JADE1: variants seen among roughly 807,000 people sequenced by gnomAD.
The protein encoded by JADE1 is protein Jade-1.
In JADE1, 14 loss-of-function variants were observed where a neutral mutation model predicts 81.8. That is an observed-to-expected ratio of 0.17 (90% CI 0.11 to 0.27). JADE1 has a LOEUF of 0.27. JADE1 is among the 10% of genes least tolerant of loss of function. JADE1 has a pLI of 1.00. For synonymous variants in JADE1, 353 were observed against 391.9 expected, an observed-to-expected ratio of 0.90 and a Z score of 1.17; for missense variants, 690 against 1,047.9, an observed-to-expected ratio of 0.66 and a Z score of 4.71.
chr4:128,853,207 C>T (rs919484250), intron 6 of JADE1, among the ~76,000 whole-genome samples: 2 of 152,120 alleles, frequency 1.3e-5, no homozygotes, highest in East Asian at 1.9e-4. Flanking sequence ...GGGTACCAGT[C>T]GTATGGGACT....
Position 128,874,224 on chromosome 4 carries a change from T to C in JADE1, c.*1962T>C, listed in dbSNP as rs1452206442. 2.6e-5 allele frequency: 4 copies of C among 152,618 alleles called. No individual in the cohort carries two copies. The highest frequency in any genetic ancestry group is 5.9e-5 in the Non-Finnish European group (4 of 68,036). The allele number at this position is 152,618 out of a possible 1,614,324, so 9.5% of individuals were successfully genotyped here. On this transcript the variant is annotated 3_prime_UTR_variant, in exon 11 of 11. Transcript: ENST00000226319. ...CTGGATACAGGAGAAGGTTGGACTT[T>C]ATCTACAGTTATCTTTTGATTACAG...
rs1732461493 is a variant in JADE1 at position 128,874,919 on chromosome 4, A to G, written c.*2657A>G. 1 of 152,572 alleles carries G rather than the reference A, an allele frequency of 6.6e-6. No homozygotes were observed. The highest frequency in any genetic ancestry group is 2.4e-5 in the African/African-American group (1 of 41,438). 9.5% of individuals were successfully genotyped at this position (152,572 alleles called of 1,614,324 possible). ...TGTTGTGTACAAATCTTATTTTGAA[A>G]TGGACAAACTTGTCATTACATTTGT... On this transcript the variant is annotated 3_prime_UTR_variant, in exon 11 of 11. Coordinates refer to ENST00000226319, the MANE Select transcript of JADE1 (RefSeq NM_199320.4).
chr4:128,873,029 C>A lies in JADE1; in HGVS notation c.*767C>A. On this transcript the variant is annotated 3_prime_UTR_variant, in exon 11 of 11. Transcript: ENST00000226319. ...AAGGGCAGTTGAAGTAGAATTTTTACCAGTCCACTTGACCTTCTTCTTCCC... is the reference window on the plus strand; with the variant it reads ...AAGGGCAGTTGAAGTAGAATTTTTAACAGTCCACTTGACCTTCTTCTTCCC... The A allele has an allele frequency of 2.4e-6, 1 of 410,924 alleles. No individual in the cohort carries two copies. The highest frequency in any genetic ancestry group is 1.7e-5 in the South Asian group (1 of 58,970). 25.5% of individuals were successfully genotyped at this position (410,924 alleles called of 1,614,324 possible).
At chr4:128,855,501 TG>T in intron 6 of JADE1, 128 bp from the exon 7 acceptor site, 1 of 967,458 alleles carries the variant, frequency 1.0e-6, no homozygotes, top group Non-Finnish European at 1.5e-6. Context: ...CAGGAAGCTG[TG>T]GGAGCGTCTC....
At chr4:128,870,131 A>G (rs920749030) in intron 10 of JADE1, among the ~76,000 whole-genome samples, 1 of 152,214 alleles carries the variant, frequency 6.6e-6, no homozygotes, top group African/African-American at 2.4e-5. Context: ...TCTTCTTACC[A>G]TTCTCTTTTC....
At chr4:128,862,580 G>A in intron 9 of JADE1, 1 of 1,109,098 alleles carries the variant, frequency 9.0e-7, no homozygotes, top group East Asian at 5.9e-5. Flanking sequence ...AGTTGACTCA[G>A]GATGGTTTAC....
chr4:128,856,343 C>G (rs1730793638), intron 7 of JADE1, among the ~76,000 whole-genome samples: 1 of 152,182 alleles, frequency 6.6e-6, no homozygotes, highest in South Asian at 2.1e-4. Flanking sequence ...GCAGCAGTCA[C>G]TTGGGACTGG....
In JADE1 at chr4:128,846,340, A is replaced by C. The variant is rs199559395; in HGVS notation, c.139-35A>C. Reference sequence around the variant, plus strand: ...CAGCACTCTGAATAAGAATGCAAATATCAAATGTCAGTGTCCCTTTCTCTT... The same window carrying C: ...CAGCACTCTGAATAAGAATGCAAATCTCAAATGTCAGTGTCCCTTTCTCTT... On this transcript the variant is annotated intron_variant, in intron 3 of 10. Transcript: ENST00000226319. This position sits in a 1 kb window ranked among gnomAD's most constrained non-coding sequence, Gnocchi z 4.0. The C allele has an allele frequency of 2.6e-4, 424 of 1,607,166 alleles. No individual in the cohort carries two copies. The highest frequency in any genetic ancestry group is 3.0e-4 in the Non-Finnish European group (355 of 1,174,530).
intron 1 of JADE1, among the ~76,000 whole-genome samples, chr4:128,815,050 C>CTT (rs869103655): frequency 2.2e-5 from 3 of 137,420 alleles, no homozygotes; most frequent in African/African-American, 5.4e-5. Flanking sequence ...TCTTAAGTAA[C>CTT]TTTTTTTTTT....
rs545448579 is a variant in JADE1, at chr4:128,835,990, G to T, written c.52+4180G>T. Among the ~76,000 whole-genome samples, 5 of 152,360 alleles carry T rather than the reference G, an allele frequency of 3.3e-5. No individual in the cohort carries two copies. In the South Asian group the frequency reaches 1.0e-3, roughly 32 times the overall value. The stretch of plus-strand genomic sequence containing the variant: ...TGCAGTTGGATGGAATAATGTTGGG[G>T]TGTTTGCAGGCAGCGTCTGCAGTTG... On this transcript the variant is annotated intron_variant, in intron 2 of 10. Coordinates refer to ENST00000226319, the MANE Select transcript of JADE1 (RefSeq NM_199320.4).
Position 128,864,503 on chromosome 4 carries a change from T to C in JADE1, c.1503+2278T>C, listed in dbSNP as rs1371486648. The C allele has an allele frequency of 6.1e-6, 6 of 985,342 alleles. No individual in the cohort carries two copies. The African/African-American group carries it at 1.0e-4, about 17-fold the overall frequency. 61.0% of individuals were successfully genotyped at this position (985,342 alleles called of 1,614,324 possible). A position where few individuals can be genotyped will look rare whatever the true frequency, so the allele number is the denominator to read the frequency against. ...ATACGCTACCCAAAATTTGCCATGA[T>C]GCCTGTGATGGTGAAGGCATTAAAC... On this transcript the variant is annotated intron_variant, in intron 9 of 10. Transcript: ENST00000226319.
chr4:128,830,022 T>C (rs932595180), intron 1 of JADE1, among the ~76,000 whole-genome samples: 9 of 149,030 alleles, frequency 6.0e-5, no homozygotes, highest in Admixed American at 2.0e-4. Flanking sequence ...GGATTACAGA[T>C]GCGCGCCACC....
intron 7 of JADE1, 56 bp downstream of exon 7, chr4:128,855,853 C>T (rs886293358): frequency 4.6e-5 from 69 of 1,484,344 alleles, no homozygotes; most frequent in Non-Finnish European, 6.0e-5. Context: ...GAGTTTAACT[C>T]TGTCGCCCAG....
intron 8 of JADE1, among the ~76,000 whole-genome samples, chr4:128,859,480 C>T (rs1731119973): frequency 6.6e-6 from 1 of 150,948 alleles, no homozygotes; most frequent in Non-Finnish European, 1.5e-5. Context: ...CATGAGTATG[C>T]ATGTGAGTAT....
chr4:128,863,207 C>A, intron 9 of JADE1: 1 of 985,566 alleles, frequency 1.0e-6, no homozygotes, highest in Non-Finnish European at 1.2e-6. Flanking sequence ...GAGGCGTGGG[C>A]TGCCTCCCGC....
Position 128,831,713 on chromosome 4 carries a change from G to A in JADE1, c.-26-20G>A, listed in dbSNP as rs759306413. ...TGTGTATTATCATCTTGGGTTAAGT[G>A]CTGTCTCATTGCTTTGCAGGCTGCC... is the stretch of plus-strand genomic sequence containing the variant. On this transcript the variant is annotated intron_variant, in intron 1 of 10. Transcript: ENST00000226319. The A allele has an allele frequency of 6.2e-7, 1 of 1,610,860 alleles. No individual in the cohort carries two copies. Among genetic ancestry groups the A allele is most frequent in the South Asian group, 1.1e-5 (1 of 90,992 alleles).
In JADE1 at chr4:128,871,447, T is replaced by C. The variant is rs1481639989; in HGVS notation, c.1714T>C (p.Leu572=). ...VGPDAPKIED[L]KWHSAFFRKQ... ...CCCTGATGCTCCCAAGATAGAGGAC[T>C]TGAAGTGGCATTCTGCATTCTTCAG... The change falls in exon 11 of 11, where the codon TTG becomes CTG. Residue 572 remains leucine, a synonymous_variant. Transcript: ENST00000226319. This position sits in a 1 kb window ranked among gnomAD's most constrained non-coding sequence, Gnocchi z 4.1. 2.5e-6 allele frequency: 4 copies of C among 1,614,236 alleles called. No individual in the cohort carries two copies. Among genetic ancestry groups the C allele is most frequent in the Non-Finnish European group, 3.4e-6 (4 of 1,180,026 alleles).
At position 128,823,440 on chromosome 4, in the gene JADE1, G is replaced by A. The variant is rs182114398; in HGVS notation, c.-26-8293G>A. Among the ~76,000 whole-genome samples the A allele has an allele frequency of 3.9e-5, 6 of 152,292 alleles. No homozygotes were observed. In the East Asian group the frequency reaches 1.2e-3, roughly 29 times the overall value. ...ATGTATTATAGTACATGGGCTTTATGAGTAATGCTCCTAAGAGTAAATATT... is the reference window on the plus strand; with the variant it reads ...ATGTATTATAGTACATGGGCTTTATAAGTAATGCTCCTAAGAGTAAATATT... On this transcript the variant is annotated intron_variant, in intron 1 of 10. Transcript: ENST00000226319.
rs762303406 is a variant in JADE1, at chr4:128,872,032, G to C, written c.2299G>C (p.Asp767His). 6.2e-7 allele frequency: 1 copy of C among 1,613,896 alleles called. No individual in the cohort carries two copies. Among genetic ancestry groups the C allele is most frequent in the East Asian group, 2.2e-5 (1 of 44,794 alleles). The change falls in exon 11 of 11, where the codon GAT becomes CAT. Residue 767 changes from aspartate (D) to histidine (H), a missense_variant. Asp to His is a moderately conservative substitution (Grantham distance 81). Coordinates refer to ENST00000226319, the MANE Select transcript of JADE1 (RefSeq NM_199320.4). The part of the protein sequence containing the change: ...GERQQQGEAH[D>H]GACHQHSDYP... ...ACGGCAGCAGCAGGGAGAGGCCCAC[G>C]ATGGGGCCTGCCACCAGCACTCAGA... is the stretch of plus-strand genomic sequence containing the variant.
Sources: allele counts gnomAD v4.1 joint callset (sites outside exome capture counted in the v4.1 genomes callset), GRCh38; gene constraint gnomAD v4.1.1; non-coding constraint Gnocchi (gnomAD v3.1); transcripts MANE v1.5; gene names NCBI Gene and HGNC (gene_info 2026-07-23, HGNC 2026-07-21).